ATAD2B: variants seen among roughly 807,000 people sequenced by gnomAD.
ATAD2B encodes the protein ATPase family AAA domain-containing protein 2B.
Under a neutral mutation model 167.6 loss-of-function variants are expected in ATAD2B, and 40 were observed. The observed-to-expected ratio is 0.24, with a 90% CI of 0.19 to 0.31. ATAD2B has a LOEUF of 0.31. Among genes scored for constraint, ATAD2B ranks in the 10% least tolerant of loss-of-function variants. ATAD2B has a pLI of 1.00. For synonymous variants in ATAD2B, 579 were observed against 596.5 expected (o/e 0.97, Z 0.43); for missense variants, 1,242 against 1,757.2 (o/e 0.71, Z 5.24).
chr2:23,758,321 G>T (rs1676197895), intron 24 of ATAD2B, among the ~76,000 whole-genome samples: 2 of 152,144 alleles, frequency 1.3e-5, no homozygotes, highest in African/African-American at 4.8e-5. Flanking sequence ...ATTTTTTAAT[G>T]TATTTCCTGT....
chr2:23,691,621 C>T, the ATAD2B span: 2,383 of 1,466,802 alleles, frequency 1.6e-3, 29 homozygotes, highest in African/African-American at 0.024. Context: ...TGTGAGGAAG[C>T]GGCACGGTGG....
intron 8 of ATAD2B, 117 bp downstream of exon 8, chr2:23,875,712 T>C: frequency 1.4e-6 from 1 of 720,406 alleles, no homozygotes; most frequent in Non-Finnish European, 2.4e-6. Context: ...AAACTGAATC[T>C]GGAAGATAAT....
intron 22 of ATAD2B, among the ~76,000 whole-genome samples, chr2:23,774,637 C>A (rs1678806295): frequency 6.6e-6 from 1 of 152,168 alleles, no homozygotes; most frequent in Non-Finnish European, 1.5e-5. Flanking sequence ...CAGTGGCTCA[C>A]ACCTGTAATC....
chr2:23,691,975 A>T, the ATAD2B span: 1 of 1,194,740 alleles, frequency 8.4e-7, no homozygotes, highest in Non-Finnish European at 1.2e-6. Flanking sequence ...CTGTGTGTGC[A>T]CACCTGAAGC....
At chr2:23,706,755 C>T in the ATAD2B span, 9 of 880,620 alleles carry the variant, frequency 1.0e-5, no homozygotes, top group East Asian at 2.4e-4. Flanking sequence ...CAACAAGAGG[C>T]CAACAAAACA....
chr2:23,898,372 G>A (rs1403737859), intron 1 of ATAD2B, among the ~76,000 whole-genome samples: 2 of 152,164 alleles, frequency 1.3e-5, no homozygotes, highest in Non-Finnish European at 2.9e-5. Context: ...CCTTTATACT[G>A]ACTCCAGGTT....
intron 12 of ATAD2B, among the ~76,000 whole-genome samples, chr2:23,863,033 T>C (rs941782306): frequency 2.6e-5 from 4 of 152,216 alleles, no homozygotes; most frequent in Non-Finnish European, 5.9e-5. Context: ...CAGTTTGTAT[T>C]TGCAGATTAA....
At chr2:23,767,480 C>T (rs184422476) in intron 22 of ATAD2B, among the ~76,000 whole-genome samples, 1 of 152,224 alleles carries the variant, frequency 6.6e-6, no homozygotes, top group Non-Finnish European at 1.5e-5. Context: ...ATTTTATATT[C>T]AAGTGCTTTT....
rs759246567 is a variant in ATAD2B, at chr2:23,819,762, T to C, written c.2252A>G (p.Tyr751Cys). ...QSSSAAIHKP[Y>C]LHFTMSPYHQ... is the part of the protein sequence containing the mutation. ...AATCACTCACATTGTAAAATGAAGG[T>C]AGGGTTTATGTATAGCAGCAGATGA... is the stretch of plus-strand genomic sequence containing the variant. The change falls in exon 17 of 28, where the codon TAC becomes TGC. Residue 751 changes from tyrosine to cysteine, a missense_variant. Tyr to Cys is a radical substitution (Grantham distance 194). Coordinates refer to ENST00000238789, the MANE Select transcript of ATAD2B (RefSeq NM_017552.4). 4 of 1,601,414 alleles carry C rather than the reference T, an allele frequency of 2.5e-6. No individual in the cohort carries two copies. In the South Asian group the frequency reaches 4.5e-5, roughly 18 times the overall value.
chr2:23,815,233 T>C (rs1686259788), intron 17 of ATAD2B, among the ~76,000 whole-genome samples: 1 of 152,158 alleles, frequency 6.6e-6, no homozygotes, highest in South Asian at 2.1e-4. Context: ...ATCAGGCATC[T>C]GCTATAGTAA....
chr2:23,902,613 A>G (rs189768990), intron 1 of ATAD2B, among the ~76,000 whole-genome samples: 4 of 152,308 alleles, frequency 2.6e-5, no homozygotes, highest in Admixed American at 2.6e-4. Context: ...AGATTATGCA[A>G]TCTACCCACA....
intron 1 of ATAD2B, among the ~76,000 whole-genome samples, chr2:23,911,606 C>T (rs1318376160): frequency 7.2e-5 from 8 of 111,706 alleles, no homozygotes; most frequent in Admixed American, 3.3e-4. Flanking sequence ...AGGAAGGGGA[C>T]GGGGAGGGGG....
In ATAD2B at chr2:23,887,929, T is replaced by C. The variant is rs912934573; in HGVS notation, c.475A>G (p.Ile159Val). 6 of 1,610,790 alleles carry C rather than the reference T, an allele frequency of 3.7e-6. No homozygotes were observed. Among genetic ancestry groups the C allele is most frequent in the Non-Finnish European group, 1.7e-6 (2 of 1,178,916 alleles). ...TTTCTGACTTCCATGTCACCATTTA[T>C]ACAAGAAAGGTCCCCATCTCCCTTC... ...EKKGDGDLSC[I>V]NGDMEVRKSC... Residue 159 changes from isoleucine (I) to valine (V), a missense_variant, in exon 4 of 28, where the codon ATA becomes GTA. Physicochemically the swap from Ile to Val is conservative, Grantham distance 29. Coordinates refer to ENST00000238789, the MANE Select transcript of ATAD2B (RefSeq NM_017552.4).
the ATAD2B span, among the ~76,000 whole-genome samples, chr2:23,700,917 C>G: frequency 6.6e-6 from 1 of 152,128 alleles, no homozygotes; most frequent in Non-Finnish European, 1.5e-5. The surrounding 1 kb of genome is among the most constrained non-coding windows in gnomAD (Gnocchi z 4.6). Context: ...GACTACATTT[C>G]CCCAGTTTGT....
the ATAD2B span, chr2:23,703,646 T>A: frequency 6.9e-7 from 1 of 1,448,946 alleles, no homozygotes; most frequent in Non-Finnish European, 9.1e-7. Context: ...CCCTGGAGGG[T>A]CTTCTGGGAA....
At position 23,895,949 on chromosome 2, in the gene ATAD2B, A is replaced by G. The variant is rs1012725592; in HGVS notation, c.238T>C (p.Leu80=). ...EARKVEVDGS[L]SDSHVSPPAK... is the part of the protein sequence containing the mutation. ...GGAGGAGATACGTGGCTATCACTTA[A>G]ACTACCATCAACTTCAACTTTCTGA... The change falls in exon 2 of 28, where the codon TTA becomes CTA. Residue 80 remains leucine (L), a synonymous_variant. Coordinates refer to ENST00000238789, the MANE Select transcript of ATAD2B (RefSeq NM_017552.4). The G allele has an allele frequency of 6.2e-7, 1 of 1,612,520 alleles. No individual in the cohort carries two copies. Among genetic ancestry groups the G allele is most frequent in the Admixed American group, 1.7e-5 (1 of 59,916 alleles).
chr2:23,817,355 TA>T (rs1266115108), intron 17 of ATAD2B, among the ~76,000 whole-genome samples: 1 of 152,204 alleles, frequency 6.6e-6, no homozygotes, highest in East Asian at 1.9e-4. Context: ...ATATGATTGT[TA>T]AGGGGCCTAT....
chr2:23,745,424 A>AAGGAAGGAAG, downstream of ATAD2B, among the ~76,000 whole-genome samples: 2 of 32,924 alleles, frequency 6.1e-5, no homozygotes, highest in Non-Finnish European at 1.2e-4. Flanking sequence ...AAGGAAGGAA[A>AAGGAAGGAAG]GGGAAGGGAA....
Position 23,833,942 on chromosome 2 carries a change from G to A in ATAD2B, c.1705C>T (p.Leu569Phe). The change falls in exon 14 of 28, where the codon CTC becomes TTC. Residue 569 changes from leucine (L) to phenylalanine (F), a missense_variant. Leu to Phe is a conservative substitution (Grantham distance 22). Around this residue, in one of 9 missense-constraint regions of ATAD2B, gnomAD observed 151 missense variants for 284.1 expected, o/e 0.53. Coordinates refer to ENST00000238789, the MANE Select transcript of ATAD2B (RefSeq NM_017552.4). The part of the protein sequence containing the change: ...RRPGRFDREF[L>F]FNLPDQKARK... ...ACCTTTTGATCAGGCAGGTTGAAGA[G>A]GAATTCTCTGTCAAAACGACCAGGT... 1 of 1,606,292 alleles carries A rather than the reference G, an allele frequency of 6.2e-7. No homozygotes were observed. The highest frequency in any genetic ancestry group is 8.5e-7 in the Non-Finnish European group (1 of 1,178,106).
Sources: allele counts gnomAD v4.1 joint callset (sites outside exome capture counted in the v4.1 genomes callset), GRCh38; gene constraint gnomAD v4.1.1; regional missense constraint gnomAD v4.1.1; non-coding constraint Gnocchi (gnomAD v3.1); transcripts MANE v1.5; gene names NCBI Gene and HGNC (gene_info 2026-07-23, HGNC 2026-07-21).